The following CCND3 variants were observed in gnomAD, a reference collection of about 807,000 sequenced individuals.
CCND3 encodes G1/S-specific cyclin-D3.
Under a neutral mutation model 28.7 loss-of-function variants are expected in CCND3, and 9 were observed. The observed-to-expected ratio is 0.31, with a 90% CI of 0.19 to 0.55. CCND3 has a LOEUF of 0.55. Ranked by LOEUF, CCND3 falls within the 20% of genes least tolerant of loss-of-function variation. CCND3 has a pLI of 0.93. For synonymous variants in CCND3, 164 were observed against 163.9 expected, an observed-to-expected ratio of 1.00 and a Z score of 0.00; for missense variants, 315 against 385.8, an observed-to-expected ratio of 0.82 and a Z score of 1.54.
chr6:42,021,104 T>A (rs6917992), intron 1 of CCND3, among the ~76,000 whole-genome samples: 1 of 152,030 alleles, frequency 6.6e-6, no homozygotes, highest in Non-Finnish European at 1.5e-5. Flanking sequence ...CAAAAAGATA[T>A]TTTGAGAGAG....
In CCND3 at chr6:42,013,980, G is replaced by T. The variant is rs796841730; in HGVS notation, c.-46+34521C>A. Among the ~76,000 whole-genome samples, 50 of 152,230 alleles carry T rather than the reference G, an allele frequency of 3.3e-4. 1 individual carries two copies. The highest frequency in any genetic ancestry group is 1.2e-3 in the African/African-American group (49 of 41,546). On this transcript the variant is annotated intron_variant, in intron 1 of 4. Coordinates refer to the CCND3 transcript ENST00000372988. ...CCAGCTACCAGGGAGGCTGAGGCAGGAGAATGGCGTGAACCCGGGAGGCGG... is the reference window on the plus strand; with the variant it reads ...CCAGCTACCAGGGAGGCTGAGGCAGTAGAATGGCGTGAACCCGGGAGGCGG...
chr6:41,948,333 GT>G (rs1194139168), intron 1 of CCND3, among the ~76,000 whole-genome samples: 2 of 113,544 alleles, frequency 1.8e-5, no homozygotes, highest in African/African-American at 6.8e-5. Context: ...TAAGTTTTTT[GT>G]TTTTTTTTGT....
At chr6:42,032,212 G>C (rs1009068545) in intron 1 of CCND3, among the ~76,000 whole-genome samples, 2 of 152,044 alleles carry the variant, frequency 1.3e-5, no homozygotes, top group Non-Finnish European at 2.9e-5. Flanking sequence ...CAGCCTCCTG[G>C]GTAGCTAGGA....
rs969256609 is a variant in CCND3 at position 41,941,376 on chromosome 6, G to A, written c.198+76C>T. 10 of 1,568,616 alleles carry A rather than the reference G, an allele frequency of 6.4e-6. No homozygotes were observed. The highest frequency in any genetic ancestry group is 2.3e-5 in the East Asian group (1 of 42,796). On this transcript the variant is annotated intron_variant, in intron 1 of 4. Transcript: ENST00000372991. This position sits in a 1 kb window ranked among gnomAD's most constrained non-coding sequence, Gnocchi z 6.1. ...CATCCTGCAGATTGCTGTGGGGACCGGGATGTCCCGACAGGGCGGCCCCGG... is the reference window on the plus strand; with the variant it reads ...CATCCTGCAGATTGCTGTGGGGACCAGGATGTCCCGACAGGGCGGCCCCGG...
intron 1 of CCND3, among the ~76,000 whole-genome samples, chr6:41,952,389 C>T (rs961170102): frequency 6.6e-6 from 1 of 152,244 alleles, no homozygotes; most frequent in African/African-American, 2.4e-5. Context: ...CCATGGTGGA[C>T]AAATGGAGCT....
chr6:42,002,624 G>A (rs548218461), intron 1 of CCND3, among the ~76,000 whole-genome samples: 64 of 149,408 alleles, frequency 4.3e-4, no homozygotes, highest in Middle Eastern at 3.6e-3. Flanking sequence ...AGGCCGAGGC[G>A]GGTGGATCAC....
chr6:42,046,836 C>G (rs746030054), intron 1 of CCND3, among the ~76,000 whole-genome samples: 1 of 152,210 alleles, frequency 6.6e-6, no homozygotes, highest in African/African-American at 2.4e-5. Context: ...GTTCCTGGCT[C>G]AAGTGCACAT....
chr6:41,993,774 T>A (rs1422561554), intron 1 of CCND3, among the ~76,000 whole-genome samples: 3 of 151,472 alleles, frequency 2.0e-5, no homozygotes, highest in Non-Finnish European at 4.4e-5. Flanking sequence ...ATACAAAAAA[T>A]TAGCTGGGCA....
At chr6:42,017,598 C>T (rs1380936661) in intron 1 of CCND3, among the ~76,000 whole-genome samples, 1 of 152,168 alleles carries the variant, frequency 6.6e-6, no homozygotes, top group South Asian at 2.1e-4. Flanking sequence ...TAAGTGGAAA[C>T]TGGTCAGGTT....
Position 41,998,516 on chromosome 6 carries a change from C to T in CCND3, c.-46+49985G>A, listed in dbSNP as rs555595149. 3.0e-3 allele frequency among the ~76,000 whole-genome samples: 445 copies of T among 150,020 alleles called. 7 individuals are homozygous for T. Among genetic ancestry groups the T allele is most frequent in the African/African-American group, 0.01 (416 of 40,906 alleles). On this transcript the variant is annotated intron_variant, in intron 1 of 4. Coordinates refer to the CCND3 transcript ENST00000372988. ...GGTGCCAACCACCACGCCTGGCCAA[C>T]GGGGTTTCACCATGTTGGCCAGGCT...
At chr6:42,034,091 G>A (rs1256235725) in intron 1 of CCND3, among the ~76,000 whole-genome samples, 2 of 151,950 alleles carry the variant, frequency 1.3e-5, no homozygotes, top group African/African-American at 2.4e-5. Context: ...CCAAGGCTGT[G>A]GTGAGCTACG....
At chr6:41,969,117 G>A (rs1044812592) in intron 1 of CCND3, among the ~76,000 whole-genome samples, 2 of 151,966 alleles carry the variant, frequency 1.3e-5, no homozygotes, top group African/African-American at 2.4e-5. Context: ...GTTTAAAGAC[G>A]GCTCCCCAGA....
chr6:42,002,267 A>G (rs539434878), intron 1 of CCND3, among the ~76,000 whole-genome samples: 3 of 151,434 alleles, frequency 2.0e-5, no homozygotes, highest in Non-Finnish European at 4.4e-5. Context: ...CCAACATAGT[A>G]AAATCCTATC....
chr6:41,970,916 CTT>C (rs60110973), intron 1 of CCND3, among the ~76,000 whole-genome samples: 15 of 150,292 alleles, frequency 1.0e-4, no homozygotes, highest in South Asian at 2.1e-4. Context: ...GCTCCAGTTT[CTT>C]TTTTTTTTCC....
Position 41,982,691 on chromosome 6 carries a change from C to T in CCND3, c.-45-42106G>A, listed in dbSNP as rs1012823324. ...CCTGACTTCAAGACTTAATATAAAG[C>T]AACAGTAATCACGACAGTGTGGTAT... is the stretch of plus-strand genomic sequence containing the variant. On this transcript the variant is annotated intron_variant, in intron 1 of 4. Transcript: ENST00000372988. 6.6e-5 allele frequency among the ~76,000 whole-genome samples: 10 copies of T among 152,158 alleles called. No individual in the cohort carries two copies. The East Asian group carries it at 1.9e-3, about 29-fold the overall frequency.
chr6:41,999,592 T>C (rs1268969608), intron 1 of CCND3, among the ~76,000 whole-genome samples: 3 of 152,060 alleles, frequency 2.0e-5, no homozygotes, highest in Non-Finnish European at 4.4e-5. Flanking sequence ...ATAACAAAGG[T>C]ACAAAATACA....
chr6:41,979,637 CTCTCTCTA>C (rs200773051), intron 1 of CCND3, among the ~76,000 whole-genome samples: 37 of 84,440 alleles, frequency 4.4e-4, no homozygotes, highest in Admixed American at 3.4e-3. Context: ...CTCTCTCTCT[CTCTCTCTA>C]TATATATATA....
chr6:42,014,235 T>C (rs1026897417), intron 1 of CCND3, among the ~76,000 whole-genome samples: 1 of 151,266 alleles, frequency 6.6e-6, no homozygotes, highest in East Asian at 2.0e-4. Flanking sequence ...GGCGAAGTGG[T>C]GGGCGCCTGT....
chr6:41,976,800 C>A (rs1345438449), intron 1 of CCND3, among the ~76,000 whole-genome samples: 1 of 152,084 alleles, frequency 6.6e-6, no homozygotes, highest in Non-Finnish European at 1.5e-5. Flanking sequence ...GGGCTAGATA[C>A]CCCCAGACTC....
Sources: allele counts gnomAD v4.1 joint callset (sites outside exome capture counted in the v4.1 genomes callset), GRCh38; gene constraint gnomAD v4.1.1; non-coding constraint Gnocchi (gnomAD v3.1); transcripts MANE v1.5; gene names NCBI Gene and HGNC (gene_info 2026-07-23, HGNC 2026-07-21).